DMD: variants seen among roughly 807,000 people sequenced by gnomAD.
DMD encodes the protein dystrophin.
Under a neutral mutation model 330.1 loss-of-function variants are expected in DMD, and 63 were observed. The ratio of observed to expected loss-of-function variants is 0.19; its 90% CI spans 0.16 to 0.24. The LOEUF is 0.24. Among genes scored for constraint, DMD ranks in the 10% least tolerant of loss-of-function variants. DMD has a pLI of 1.00. For missense variants in DMD, 3,344 were observed against 2,684.1 expected, an observed-to-expected ratio of 1.25 and a Z score of -5.43; for synonymous variants, 1,223 against 959.8, an observed-to-expected ratio of 1.27 and a Z score of -5.07.
Position 32,769,814 on chromosome X carries a change from C to A in DMD, c.649+39679G>T, listed in dbSNP as rs1376362921. ...AGTAAACATTACTATCCAGGAAAAA[C>A]CAGAAAAAAAAAAAAACAGGAGGCT... On this transcript the variant is annotated intron_variant, in intron 7 of 78. Transcript: ENST00000357033. 2.8e-4 allele frequency among the ~76,000 whole-genome samples: 18 copies of A among 64,090 alleles called. No individual in the cohort carries two copies. The East Asian group carries it at 7.8e-3, about 28-fold the overall frequency. The allele number at this position is 64,090 out of a possible 115,157, so 55.7% of individuals were successfully genotyped here.
intron 44 of DMD, among the ~76,000 whole-genome samples, chrX:32,092,370 C>T (rs2096481035): frequency 8.9e-6 from 1 of 111,888 alleles, no homozygotes; most frequent in Non-Finnish European, 1.9e-5. Context: ...GACAAGGCCC[C>T]TTCTGGGTCT....
intron 7 of DMD, among the ~76,000 whole-genome samples, chrX:32,785,840 G>A (rs773377622): frequency 2.1e-4 from 23 of 111,010 alleles, no homozygotes; most frequent in Non-Finnish European, 3.2e-4. Flanking sequence ...GTTATATTTT[G>A]CAATGGGTGA....
intron 53 of DMD, among the ~76,000 whole-genome samples, chrX:31,674,418 G>A (rs1263442259): frequency 8.9e-6 from 1 of 112,247 alleles, no homozygotes; most frequent in Non-Finnish European, 1.9e-5. Flanking sequence ...CAGAGATTTT[G>A]CAGCCTTAGA....
chrX:32,564,184 C>G (rs994841904), intron 16 of DMD, among the ~76,000 whole-genome samples: 7 of 111,899 alleles, frequency 6.3e-5, no homozygotes, highest in African/African-American at 2.3e-4. Flanking sequence ...CCTCAGGTGG[C>G]TACTATGCAG....
At chrX:31,585,679 G>C (rs1206322494) in intron 55 of DMD, among the ~76,000 whole-genome samples, 1 of 110,198 alleles carries the variant, frequency 9.1e-6, no homozygotes. Flanking sequence ...AAGTCTTTAG[G>C]CCTCATTCTT....
chrX:31,697,818 C>T (rs2083539926), intron 52 of DMD, among the ~76,000 whole-genome samples: 2 of 111,842 alleles, frequency 1.8e-5, no homozygotes, highest in Admixed American at 1.9e-4. Flanking sequence ...GTCTGTGTAA[C>T]TGATTTTTAG....
intron 1 of DMD, among the ~76,000 whole-genome samples, chrX:33,316,267 A>ATATCAC (rs751779882): frequency 9.0e-6 from 1 of 110,918 alleles, no homozygotes; most frequent in South Asian, 3.8e-4. Flanking sequence ...TTCAATATCA[A>ATATCAC]TATCTTTAAA....
intron 9 of DMD, among the ~76,000 whole-genome samples, chrX:32,681,585 C>T (rs1001321726): frequency 8.9e-6 from 1 of 111,795 alleles, no homozygotes; most frequent in African/African-American, 3.3e-5. Context: ...GATTCACGGG[C>T]AGCTGCTCCC....
chrX:31,894,414 C>T (rs2094302754), intron 47 of DMD, among the ~76,000 whole-genome samples: 1 of 111,259 alleles, frequency 9.0e-6, no homozygotes, highest in South Asian at 3.7e-4. Flanking sequence ...GCTACATTCC[C>T]GATGATGTGG....
At chrX:31,359,620 T>C (rs2733473) in intron 60 of DMD, among the ~76,000 whole-genome samples, 9,241 of 112,152 alleles carry the variant, frequency 0.082, 289 homozygotes, top group Non-Finnish European at 0.11. Context: ...ATTATAGGTA[T>C]ATTTCATTTA....
At chrX:31,839,745 T>A (rs1437359420) in intron 48 of DMD, among the ~76,000 whole-genome samples, 1 of 111,891 alleles carries the variant, frequency 8.9e-6, no homozygotes, top group Non-Finnish European at 1.9e-5. Context: ...CATCTAGCAA[T>A]CCAAGAGAAC....
intron 42 of DMD, 53 bp from the exon 43 acceptor site, chrX:32,287,754 A>C: frequency 2.4e-6 from 2 of 849,486 alleles, no homozygotes; most frequent in Non-Finnish European, 3.3e-6. Context: ...TGTCTATAGA[A>C]AGAGAAAAAT....
At chrX:32,202,628 G>C (rs1160957444) in intron 44 of DMD, among the ~76,000 whole-genome samples, 13 of 112,198 alleles carry the variant, frequency 1.2e-4, no homozygotes, top group Non-Finnish European at 9.4e-5. Flanking sequence ...GGGATTACAG[G>C]CGTGAGCCAC....
chrX:32,729,143 T>C (rs6631636), intron 7 of DMD, among the ~76,000 whole-genome samples: 11,300 of 111,829 alleles, frequency 0.1, 1,378 homozygotes, highest in African/African-American at 0.35. Flanking sequence ...CTGTAATTTT[T>C]TGAGTAACTA....
At chrX:32,412,081 A>T (rs1373940439) in intron 29 of DMD, 168 bp from the exon 30 acceptor site, 4 of 1,178,060 alleles carry the variant, frequency 3.4e-6, no homozygotes, top group Middle Eastern at 2.4e-4. Flanking sequence ...TAGAAAAAAA[A>T]TGTGAAGGAG....
At chrX:31,594,289 C>A (rs1569553259) in intron 55 of DMD, among the ~76,000 whole-genome samples, 1 of 110,336 alleles carries the variant, frequency 9.1e-6, no homozygotes, top group African/African-American at 3.3e-5. Context: ...TTTTGAGAAC[C>A]ATTGCAATAG....
chrX:31,941,679 A>C (rs1168024968), intron 45 of DMD, among the ~76,000 whole-genome samples: 3 of 111,547 alleles, frequency 2.7e-5, no homozygotes, highest in Non-Finnish European at 5.7e-5. Context: ...CCCGATAGGT[A>C]GTTTTTCAAC....
intron 1 of DMD, among the ~76,000 whole-genome samples, chrX:33,100,609 T>C (rs1195001931): frequency 9.0e-6 from 1 of 111,253 alleles, no homozygotes; most frequent in Non-Finnish European, 1.9e-5. Context: ...GAGAATCGCT[T>C]GAACCCAGGA....
At position 31,299,516 on chromosome X, in the gene DMD, G is replaced by T. The variant is rs1031957488; in HGVS notation, c.9224+24082C>A. Among the ~76,000 whole-genome samples the T allele has an allele frequency of 7.2e-5, 8 of 111,535 alleles. No homozygotes were observed. In the South Asian group the frequency reaches 3.0e-3, roughly 42 times the overall value. On this transcript the variant is annotated intron_variant, in intron 62 of 78. Transcript: ENST00000357033. ...GGGTAGGCTGGGTGTGATGGCTCACGCCTGTAATCCCAGCACTTTGGGACG... is the reference window on the plus strand; with the variant it reads ...GGGTAGGCTGGGTGTGATGGCTCACTCCTGTAATCCCAGCACTTTGGGACG...
Sources: allele counts gnomAD v4.1 joint callset (sites outside exome capture counted in the v4.1 genomes callset), GRCh38; gene constraint gnomAD v4.1.1; transcripts MANE v1.5; gene names NCBI Gene and HGNC (gene_info 2026-07-23, HGNC 2026-07-21).